The following ZFP41 variants were observed in gnomAD, a reference collection of about 807,000 sequenced individuals.
ZFP41 encodes the protein zinc finger protein 41 homolog.
Under a neutral mutation model 11.6 loss-of-function variants are expected in ZFP41, and 10 were observed. The observed-to-expected ratio is 0.86, with a 90% CI of 0.53 to 1.47. ZFP41 has a LOEUF of 1.47. Among genes scored for constraint, ZFP41 ranks in the 40% most tolerant of loss-of-function variants. The pLI is 0.00. For missense variants in ZFP41, 302 were observed against 264.6 expected, an observed-to-expected ratio of 1.14 and a Z score of -0.98; for synonymous variants, 123 against 100.9, an observed-to-expected ratio of 1.22 and a Z score of -1.31.
chr8:143,250,604 GC>G lies in ZFP41; in HGVS notation c.*166del. 1 of 1,145,556 alleles carries G rather than the reference GC, an allele frequency of 8.7e-7. No homozygotes were observed. The highest frequency in any genetic ancestry group is 2.6e-5 in the East Asian group (1 of 38,866). 71.0% of individuals were successfully genotyped at this position (1,145,556 alleles called of 1,614,324 possible). On this transcript the variant is annotated 3_prime_UTR_variant, in exon 2 of 3. Coordinates refer to ENST00000330701, the MANE Select transcript of ZFP41 (RefSeq NM_173832.6). ...GCAGCCCAGTCAGATGTGGGAACGT[GC>G]CAGCGAGGGAGAGACCTTTCCACTG...
chr8:143,255,186 T>G (rs7815716), intron 2 of ZFP41, among the ~76,000 whole-genome samples: 67,043 of 152,012 alleles, frequency 0.44, 15,661 homozygotes, highest in East Asian at 0.69. Flanking sequence ...ACGCACGTAG[T>G]GGGTCAAGAG....
chr8:143,247,304 G>T (rs1215345190), intron 1 of ZFP41, 162 bp downstream of exon 1: 1 of 152,288 alleles, frequency 6.6e-6, no homozygotes. Flanking sequence ...CTGCACGTGG[G>T]CCGCGGGGCT....
chr8:143,253,389 G>C (rs1200751346), intron 2 of ZFP41: 2 of 152,214 alleles, frequency 1.3e-5, no homozygotes, highest in African/African-American at 4.8e-5. Context: ...GGGTCAGGCA[G>C]GAAATATTCT....
At chr8:143,256,583 G>T (rs903568786) in intron 2 of ZFP41, among the ~76,000 whole-genome samples, 1 of 152,180 alleles carries the variant, frequency 6.6e-6, no homozygotes, top group Non-Finnish European at 1.5e-5. Flanking sequence ...AACAACAAAA[G>T]ATACATTTTT....
chr8:143,247,289 TAGCTCTGCACGTGGGCCGCGG>T (rs1443295645), intron 1 of ZFP41, 147 bp downstream of exon 1: 1 of 152,284 alleles, frequency 6.6e-6, no homozygotes, highest in Non-Finnish European at 1.5e-5. Context: ...GAGGCCGACC[TAGCTCTGCACGTGGGCCGCGG>T]GGCTCTGCCG....
Position 143,247,151 on chromosome 8 carries a change from T to TG in ZFP41, c.-155+12dup. 1 of 152,754 alleles carries TG rather than the reference T, an allele frequency of 6.5e-6. No individual in the cohort carries two copies. The highest frequency in any genetic ancestry group is 2.1e-4 in the South Asian group (1 of 4,828). 9.5% of individuals were successfully genotyped at this position (152,754 alleles called of 1,614,324 possible). ...CTCTCGTCTCCAGCCAGGTACTCAC[T>TG]GGGCTCCTGCCTGCCGCCTCCGGCC... On this transcript the variant is annotated intron_variant, in intron 1 of 2. Coordinates refer to ENST00000330701, the MANE Select transcript of ZFP41 (RefSeq NM_173832.6).
chr8:143,250,598 G>C lies in ZFP41; in HGVS notation c.*158G>C. The C allele has an allele frequency of 8.3e-7, 1 of 1,211,314 alleles. No individual in the cohort carries two copies. The highest frequency in any genetic ancestry group is 2.8e-5 in the Admixed American group (1 of 36,246). The allele number at this position is 1,211,314 out of a possible 1,614,324, so 75.0% of individuals were successfully genotyped here. A position where few individuals can be genotyped will look rare whatever the true frequency, so the allele number is the denominator to read the frequency against. ...GGAAAAGCAGCCCAGTCAGATGTGG[G>C]AACGTGCCAGCGAGGGAGAGACCTT... On this transcript the variant is annotated 3_prime_UTR_variant, in exon 2 of 3. Transcript: ENST00000330701.
Position 143,259,830 on chromosome 8 carries a change from A to C in ZFP41, c.*956A>C, listed in dbSNP as rs943624969. 2 of 152,336 alleles carry C rather than the reference A, an allele frequency of 1.3e-5. No individual in the cohort carries two copies. Among genetic ancestry groups the C allele is most frequent in the Admixed American group, 1.3e-4 (2 of 15,292 alleles). 9.4% of individuals were successfully genotyped at this position (152,336 alleles called of 1,614,324 possible). On this transcript the variant is annotated 3_prime_UTR_variant, in exon 3 of 3. Transcript: ENST00000330701. ...AAGTTCCAGATGAAATATGCATAAGAAGCAGCCTCAAAACTAACAAAAAAG... is the reference window on the plus strand; with the variant it reads ...AAGTTCCAGATGAAATATGCATAAGCAGCAGCCTCAAAACTAACAAAAAAG...
Position 143,251,157 on chromosome 8 carries a change from CTGGA to C in ZFP41, c.*722_*725del. The C allele has an allele frequency of 6.0e-6, 1 of 167,430 alleles. No homozygotes were observed. The highest frequency in any genetic ancestry group is 1.9e-4 in the East Asian group (1 of 5,204). 10.4% of individuals were successfully genotyped at this position (167,430 alleles called of 1,614,324 possible). A position where few individuals can be genotyped will look rare whatever the true frequency, so the allele number is the denominator to read the frequency against. On this transcript the variant is annotated 3_prime_UTR_variant, in exon 2 of 3. Transcript: ENST00000330701. ...CTCCCAGAGAGGCGGCCTGACTTACCTGGATGGACTTGGGACAAAGGTTCCTCAG... is the reference window on the plus strand; with the variant it reads ...CTCCCAGAGAGGCGGCCTGACTTACCTGGACTTGGGACAAAGGTTCCTCAG...
At position 143,250,558 on chromosome 8, in the gene ZFP41, G is replaced by A; in HGVS notation, c.*118G>A. 6.7e-7 allele frequency: 1 copy of A among 1,492,336 alleles called. No homozygotes were observed. Among genetic ancestry groups the A allele is most frequent in the Non-Finnish European group, 8.9e-7 (1 of 1,119,128 alleles). The allele number at this position is 1,492,336 out of a possible 1,614,324, so 92.4% of individuals were successfully genotyped here. On this transcript the variant is annotated 3_prime_UTR_variant, in exon 2 of 3. Coordinates refer to ENST00000330701, the MANE Select transcript of ZFP41 (RefSeq NM_173832.6). ...CAGGGCCGTGCGCACTGTGTTCCGT[G>A]CCCTGGGGACCCCCGGAAAAGCAGC...
intron 2 of ZFP41, among the ~76,000 whole-genome samples, chr8:143,258,565 G>A (rs574110316): frequency 6.6e-6 from 1 of 152,304 alleles, no homozygotes; most frequent in Non-Finnish European, 1.5e-5. Context: ...TACTTACCCT[G>A]ACCACTGTAG....
chr8:143,256,324 A>C (rs1586716299), intron 2 of ZFP41, among the ~76,000 whole-genome samples: 2 of 103,300 alleles, frequency 1.9e-5, no homozygotes, highest in Admixed American at 9.2e-5. Flanking sequence ...TGCTGGTGTT[A>C]GTGAGATCAG....
At chr8:143,258,278 A>G (rs1015342826) in intron 2 of ZFP41, among the ~76,000 whole-genome samples, 1 of 152,252 alleles carries the variant, frequency 6.6e-6, no homozygotes. Context: ...CTGGGATTGT[A>G]TCACTGCATT....
rs558243717 is a variant in ZFP41, at chr8:143,250,471, G to C, written c.*31G>C. On this transcript the variant is annotated 3_prime_UTR_variant, in exon 2 of 3. Coordinates refer to ENST00000330701, the MANE Select transcript of ZFP41 (RefSeq NM_173832.6). ...GGCCATCTGCGGACTCGGGCCCTGC[G>C]GTGCGAGCCTCGCCGGACACCTGCT... is the stretch of plus-strand genomic sequence containing the variant. 6.3e-7 allele frequency: 1 copy of C among 1,592,342 alleles called. No individual in the cohort carries two copies. Among genetic ancestry groups the C allele is most frequent in the Admixed American group, 1.7e-5 (1 of 58,544 alleles).
chr8:143,257,661 C>T (rs1305948715), intron 2 of ZFP41, among the ~76,000 whole-genome samples: 2 of 152,200 alleles, frequency 1.3e-5, no homozygotes, highest in African/African-American at 4.8e-5. Flanking sequence ...GCAAATCACC[C>T]ATCAGGAATG....
rs146071580 is a variant in ZFP41 at position 143,250,657 on chromosome 8, G to T, written c.*217G>T. 0.013 allele frequency: 9,440 copies of T among 735,432 alleles called. 88 individuals are homozygous for T. Among genetic ancestry groups the T allele is most frequent in the Non-Finnish European group, 0.016 (7,414 of 458,840 alleles). 45.6% of individuals were successfully genotyped at this position (735,432 alleles called of 1,614,324 possible). On this transcript the variant is annotated 3_prime_UTR_variant, in exon 2 of 3. Transcript: ENST00000330701. ...AGAGAGTCTCTCTGATCAAGACACC[G>T]CAGTGATGGAGAAGCCACCAGAGGC...
intron 2 of ZFP41, among the ~76,000 whole-genome samples, chr8:143,253,995 G>A (rs1814845585): frequency 6.6e-6 from 1 of 152,210 alleles, no homozygotes; most frequent in Non-Finnish European, 1.5e-5. Flanking sequence ...AGTTCACGGT[G>A]GGGTTCGTGG....
chr8:143,252,541 A>T, intron 2 of ZFP41: 1 of 514,822 alleles, frequency 1.9e-6, no homozygotes, highest in Non-Finnish European at 2.5e-6. Flanking sequence ...GAACCACCAG[A>T]GGGGAGCCGT....
In ZFP41 at chr8:143,250,435, C is replaced by A; in HGVS notation, c.592C>A (p.Pro198Thr). The stretch of plus-strand genomic sequence containing the variant: ...TCAGAAACGCCACCCTCGGAAGAAG[C>A]CCTGAGCCGGGGCCATCTGCGGACT... ...RHQKRHPRKK[P>T] is the part of the protein sequence containing the mutation. The change falls in exon 2 of 3, where the codon CCC becomes ACC. Residue 198 changes from proline to threonine, a missense_variant. Coordinates refer to ENST00000330701, the MANE Select transcript of ZFP41 (RefSeq NM_173832.6). 6.2e-7 allele frequency: 1 copy of A among 1,608,686 alleles called. No individual in the cohort carries two copies. The highest frequency in any genetic ancestry group is 8.5e-7 in the Non-Finnish European group (1 of 1,176,812).
Sources: gnomAD v4.1 joint callset for allele counts (sites outside exome capture counted in the v4.1 genomes callset) on GRCh38, gnomAD v4.1.1 for gene constraint, MANE v1.5 for transcripts, NCBI Gene and HGNC (gene_info 2026-07-23, HGNC 2026-07-21) for gene names.